EFCAB6: variants seen among roughly 807,000 people sequenced by gnomAD.
EFCAB6 encodes EF-hand calcium-binding domain-containing protein 6.
EFCAB6 carries 156 observed loss-of-function variants against 169.8 expected under a neutral mutation model. The ratio of observed to expected loss-of-function variants is 0.92; its 90% CI spans 0.81 to 1.05. The LOEUF is 1.05. Ranked by LOEUF, EFCAB6 falls within the 50% of genes least tolerant of loss-of-function variation. EFCAB6 has a pLI of 0.00. For synonymous variants in EFCAB6, 698 were observed against 676.4 expected, an observed-to-expected ratio of 1.03 and a Z score of -0.50; for missense variants, 1,800 against 1,829.1, an observed-to-expected ratio of 0.98 and a Z score of 0.29.
intron 2 of EFCAB6, among the ~76,000 whole-genome samples, chr22:43,791,439 C>T (rs2062283994): frequency 6.6e-6 from 1 of 151,432 alleles, no homozygotes; most frequent in Non-Finnish European, 1.5e-5. Context: ...TGAGATAGTC[C>T]CATCAAGAAA....
intron 10 of EFCAB6, among the ~76,000 whole-genome samples, chr22:43,703,463 T>C (rs920277303): frequency 6.6e-6 from 1 of 152,086 alleles, no homozygotes; most frequent in African/African-American, 2.4e-5. Flanking sequence ...CAAAAAATCA[T>C]GACACTTCCA....
intron 17 of EFCAB6, among the ~76,000 whole-genome samples, chr22:43,659,406 C>A (rs1483978463): frequency 6.6e-6 from 1 of 152,202 alleles, no homozygotes. Context: ...CACCTGTAAT[C>A]CCAGCACTTT....
At chr22:43,679,877 T>C (rs184087891) in intron 12 of EFCAB6, among the ~76,000 whole-genome samples, 16 of 152,332 alleles carry the variant, frequency 1.1e-4, no homozygotes, top group South Asian at 8.3e-4. Flanking sequence ...ATGTTCTAGA[T>C]ACAAGTCCTT....
chr22:43,587,026 A>G (rs2051122174), intron 24 of EFCAB6, among the ~76,000 whole-genome samples: 1 of 152,198 alleles, frequency 6.6e-6, no homozygotes, highest in Non-Finnish European at 1.5e-5. Context: ...TGTGGAAGAG[A>G]GAAAATCTGA....
intron 10 of EFCAB6, among the ~76,000 whole-genome samples, chr22:43,698,484 C>T (rs1179041505): frequency 1.3e-5 from 2 of 152,184 alleles, no homozygotes; most frequent in African/African-American, 2.4e-5. Context: ...ATCCAAGGAG[C>T]TCATTTGTTG....
intron 30 of EFCAB6, 80 bp from the exon 31 acceptor site, chr22:43,531,044 G>A: frequency 1.3e-6 from 2 of 1,571,390 alleles, no homozygotes; most frequent in South Asian, 1.1e-5. Context: ...CCTCGCCCCC[G>A]CCTCGCCCAG....
chr22:43,635,262 C>T lies in EFCAB6; in HGVS notation c.1984-46G>A, dbSNP rs202021345. Reference sequence around the variant, plus strand: ...GGGTGGAGAGGCGTTAGGTGGTCCGCGGGTCACTACTCCCAGAGCACCTCC... The same window carrying T: ...GGGTGGAGAGGCGTTAGGTGGTCCGTGGGTCACTACTCCCAGAGCACCTCC... On this transcript the variant is annotated intron_variant, in intron 17 of 31. Coordinates refer to ENST00000262726, the MANE Select transcript of EFCAB6 (RefSeq NM_022785.4). The T allele has an allele frequency of 6.0e-5, 82 of 1,361,764 alleles. 1 individual carries two copies. In the East Asian group the frequency reaches 8.5e-4, roughly 14 times the overall value. 84.4% of individuals were successfully genotyped at this position (1,361,764 alleles called of 1,614,324 possible).
chr22:43,577,881 C>CAA (rs1176824770), intron 25 of EFCAB6, among the ~76,000 whole-genome samples: 5 of 77,772 alleles, frequency 6.4e-5, no homozygotes, highest in Non-Finnish European at 1.1e-4. Flanking sequence ...ATGTGATTTA[C>CAA]AAAAAAAAAA....
chr22:43,652,728 G>C (rs554889428), intron 17 of EFCAB6, among the ~76,000 whole-genome samples: 32 of 150,992 alleles, frequency 2.1e-4, no homozygotes, highest in South Asian at 1.0e-3. Flanking sequence ...GGCATTCTAA[G>C]AGACAGAACC....
intron 10 of EFCAB6, among the ~76,000 whole-genome samples, chr22:43,711,106 ATATT>A (rs2059144267): frequency 6.6e-6 from 1 of 151,620 alleles, no homozygotes; most frequent in African/African-American, 2.4e-5. Flanking sequence ...CCTTGACTGG[ATATT>A]TATTAATATG....
At chr22:43,633,237 A>C (rs2055112243) in intron 18 of EFCAB6, among the ~76,000 whole-genome samples, 2 of 152,172 alleles carry the variant, frequency 1.3e-5, no homozygotes, top group Admixed American at 6.5e-5. Context: ...TTAAGGAAGG[A>C]AGTGTAACCT....
At chr22:43,671,769 C>T (rs1279197194) in intron 15 of EFCAB6, among the ~76,000 whole-genome samples, 3 of 152,142 alleles carry the variant, frequency 2.0e-5, no homozygotes, top group African/African-American at 4.8e-5. Context: ...TGTTAGCTAC[C>T]TTACATGGCT....
chr22:43,766,238 G>T (rs2061323356), intron 4 of EFCAB6, among the ~76,000 whole-genome samples: 1 of 152,134 alleles, frequency 6.6e-6, no homozygotes. Flanking sequence ...TCCCCAGGCT[G>T]GCCAGGATGG....
chr22:43,534,974 C>G (rs2047302140), intron 29 of EFCAB6, 102 bp from the exon 30 acceptor site: 7 of 1,294,398 alleles, frequency 5.4e-6, no homozygotes, highest in Admixed American at 2.1e-5. Flanking sequence ...TGCTTCAGGC[C>G]CTGGCTTGGT....
chr22:43,721,324 C>T (rs549617438), intron 8 of EFCAB6, among the ~76,000 whole-genome samples: 5 of 152,230 alleles, frequency 3.3e-5, no homozygotes, highest in Admixed American at 3.3e-4. Context: ...ACAGATTCCA[C>T]GCAGTTCCAA....
chr22:43,775,583 T>C (rs1354699592), intron 3 of EFCAB6, among the ~76,000 whole-genome samples: 4 of 152,188 alleles, frequency 2.6e-5, no homozygotes, highest in Non-Finnish European at 5.9e-5. Flanking sequence ...GCTGTGACTA[T>C]AGGCACCTGC....
At chr22:43,548,362 G>A (rs981605173) in intron 27 of EFCAB6, among the ~76,000 whole-genome samples, 2 of 151,356 alleles carry the variant, frequency 1.3e-5, no homozygotes, top group Non-Finnish European at 2.9e-5. Context: ...CCAACATGGT[G>A]AAACCCTGCC....
chr22:43,726,206 A>C (rs1004466261), intron 8 of EFCAB6, among the ~76,000 whole-genome samples: 1 of 150,598 alleles, frequency 6.6e-6, no homozygotes, highest in Non-Finnish European at 1.5e-5. Context: ...CAAAACTGAA[A>C]TTGTATCCTA....
At chr22:43,737,984 G>A (rs5764260) in intron 6 of EFCAB6, among the ~76,000 whole-genome samples, 34,332 of 138,028 alleles carry the variant, frequency 0.25, 5,100 homozygotes, top group East Asian at 0.63. Context: ...ACATATATTC[G>A]CACATATATT....
Sources: allele counts gnomAD v4.1 joint callset (sites outside exome capture counted in the v4.1 genomes callset), GRCh38; gene constraint gnomAD v4.1.1; transcripts MANE v1.5; gene names NCBI Gene and HGNC (gene_info 2026-07-23, HGNC 2026-07-21).